TBC1D8B: variants seen among roughly 807,000 people sequenced by gnomAD.
The protein encoded by TBC1D8B is RP11-321G1.1.
Under a neutral mutation model 82.9 loss-of-function variants are expected in TBC1D8B, and 75 were observed. That is an observed-to-expected ratio of 0.90 (90% CI 0.75 to 1.10). TBC1D8B has a LOEUF of 1.10. Ranked by LOEUF, TBC1D8B falls within the 50% of genes least tolerant of loss-of-function variation. The pLI is 0.00. For missense variants in TBC1D8B, 794 were observed against 796.9 expected (o/e 1.00, Z 0.04); for synonymous variants, 276 against 276.8 (o/e 1.00, Z 0.03).
At chrX:106,841,419 C>T (rs941200018) in intron 10 of TBC1D8B, among the ~76,000 whole-genome samples, 7 of 111,080 alleles carry the variant, frequency 6.3e-5, no homozygotes, top group African/African-American at 2.3e-4. Flanking sequence ...TGTAACCGAA[C>T]ATAGGTAGAG....
In TBC1D8B at chrX:106,849,220, ATT is replaced by A. The variant is rs761948032; in HGVS notation, c.1838-784_1838-783del. 77,948 of 779,321 alleles carry A rather than the reference ATT, an allele frequency of 0.1. 299 individuals are homozygous for A. The highest frequency in any genetic ancestry group is 0.2 in the African/African-American group (6,915 of 33,980). The allele number at this position is 779,321 out of a possible 1,213,427, so 64.2% of individuals were successfully genotyped here. On this transcript the variant is annotated intron_variant, in intron 11 of 20. Coordinates refer to ENST00000357242, the MANE Select transcript of TBC1D8B (RefSeq NM_017752.3). ...TGTCTTTCATTATAATTATTTGTGT[ATT>A]TTTTTTTTTTTTTTTTTTTTAGGTT...
chrX:106,855,626 G>A (rs948212842), intron 14 of TBC1D8B, among the ~76,000 whole-genome samples: 2 of 111,954 alleles, frequency 1.8e-5, no homozygotes, highest in South Asian at 3.7e-4. Flanking sequence ...TTTATTCACT[G>A]CTGATGTACA....
At chrX:106,843,997 T>G (rs1306615606) in intron 10 of TBC1D8B, among the ~76,000 whole-genome samples, 1 of 111,737 alleles carries the variant, frequency 8.9e-6, no homozygotes, top group Non-Finnish European at 1.9e-5. Context: ...ATTGTTTTCT[T>G]GATTTCATGT....
intron 14 of TBC1D8B, among the ~76,000 whole-genome samples, chrX:106,862,776 G>GTTTGT (rs1932785437): frequency 2.7e-5 from 1 of 37,298 alleles, no homozygotes; most frequent in Non-Finnish European, 4.4e-5. Context: ...GTTTTTTTTT[G>GTTTGT]TTTTTTTTTT....
Position 106,828,044 on chromosome X carries a change from C to T in TBC1D8B, c.1203+707C>T, listed in dbSNP as rs188942113. On this transcript the variant is annotated intron_variant, in intron 7 of 20. Transcript: ENST00000357242. The stretch of plus-strand genomic sequence containing the variant: ...ATCAACAAAATTGATAGACCACTAG[C>T]AAGACTAATAAAGAAAAAAAGAGAG... 32 of 110,816 alleles carry T rather than the reference C, an allele frequency of 2.9e-4. No homozygotes were observed. In the Admixed American group the frequency reaches 3.0e-3, roughly 10 times the overall value. The allele number at this position is 110,816 out of a possible 1,213,427, so 9.1% of individuals were successfully genotyped here. A position where few individuals can be genotyped will look rare whatever the true frequency, so the allele number is the denominator to read the frequency against.
At position 106,871,949 on chromosome X, in the gene TBC1D8B, C is replaced by T. The variant is rs1002980452; in HGVS notation, c.2967+1136C>T. ...CCACGTGGAGTTGGGGTGCACCACC[C>T]TCCCGGCATGAGGATGAGTTCTTCT... On this transcript the variant is annotated intron_variant, in intron 20 of 20. Coordinates refer to ENST00000357242, the MANE Select transcript of TBC1D8B (RefSeq NM_017752.3). Among the ~76,000 whole-genome samples the T allele has an allele frequency of 2.7e-5, 3 of 111,318 alleles. No individual in the cohort carries two copies. In the East Asian group the frequency reaches 8.5e-4, roughly 31 times the overall value.
At chrX:106,827,581 T>A in intron 7 of TBC1D8B, 1 of 302,726 alleles carries the variant, frequency 3.3e-6, no homozygotes, top group East Asian at 5.9e-5. Flanking sequence ...TCTTTTACTC[T>A]ATTTGCTGTT....
chrX:106,851,122 G>T (rs1932576749), intron 12 of TBC1D8B, among the ~76,000 whole-genome samples: 1 of 112,184 alleles, frequency 8.9e-6, no homozygotes. Flanking sequence ...GGGTGCGGTG[G>T]CTCATGCCTG....
chrX:106,865,471 C>T, intron 14 of TBC1D8B, 88 bp from the exon 15 acceptor site: 1 of 610,825 alleles, frequency 1.6e-6, no homozygotes, highest in Non-Finnish European at 2.5e-6. Flanking sequence ...TTTCTTCTAG[C>T]AGAGAGAGAC....
chrX:106,865,123 G>T (rs1194962382), intron 14 of TBC1D8B, among the ~76,000 whole-genome samples: 1 of 111,122 alleles, frequency 9.0e-6, no homozygotes, highest in Non-Finnish European at 1.9e-5. Flanking sequence ...TTACTTCTTG[G>T]ATTATGTTTT....
At chrX:106,816,307 A>G (rs1931540113) in intron 1 of TBC1D8B, among the ~76,000 whole-genome samples, 1 of 111,666 alleles carries the variant, frequency 9.0e-6, no homozygotes, top group Admixed American at 9.5e-5. Context: ...CCCATTCACA[A>G]TTGCTTCAAA....
At chrX:106,851,112 G>A (rs1025727683) in intron 12 of TBC1D8B, among the ~76,000 whole-genome samples, 4 of 112,006 alleles carry the variant, frequency 3.6e-5, no homozygotes, top group South Asian at 3.8e-4. Context: ...CTTCTTGACC[G>A]GGTGCGGTGG....
At chrX:106,860,101 T>C (rs1412898688) in intron 14 of TBC1D8B, among the ~76,000 whole-genome samples, 4 of 111,735 alleles carry the variant, frequency 3.6e-5, no homozygotes. Context: ...GCTAGTAGTT[T>C]GTTGAGGATT....
intron 20 of TBC1D8B, among the ~76,000 whole-genome samples, chrX:106,871,282 A>G (rs985271137): frequency 9.0e-6 from 1 of 110,968 alleles, no homozygotes; most frequent in African/African-American, 3.3e-5. Flanking sequence ...TTTGTAATTA[A>G]AATCTGGTTA....
chrX:106,806,719 G>C (rs1931199248), intron 1 of TBC1D8B, among the ~76,000 whole-genome samples: 1 of 111,503 alleles, frequency 9.0e-6, no homozygotes, highest in Admixed American at 9.5e-5. Flanking sequence ...TTTTTGTGTG[G>C]TGTAGAACAA....
At chrX:106,860,230 A>G (rs1932760743) in intron 14 of TBC1D8B, among the ~76,000 whole-genome samples, 1 of 110,230 alleles carries the variant, frequency 9.1e-6, no homozygotes, top group Non-Finnish European at 1.9e-5. Context: ...AGGAGGAGTC[A>G]TTTCTCCTCA....
At chrX:106,817,652 A>T (rs1321300457) in intron 1 of TBC1D8B, among the ~76,000 whole-genome samples, 1 of 111,401 alleles carries the variant, frequency 9.0e-6, no homozygotes, top group Non-Finnish European at 1.9e-5. Context: ...AAAAATCTGA[A>T]ATCTGAAACA....
At chrX:106,808,208 T>C (rs771092904) in intron 1 of TBC1D8B, among the ~76,000 whole-genome samples, 1 of 111,882 alleles carries the variant, frequency 8.9e-6, no homozygotes, top group South Asian at 3.7e-4. Context: ...TTTATGTCTC[T>C]ATTCAGCTAT....
At chrX:106,843,898 G>A (rs1395787474) in intron 10 of TBC1D8B, among the ~76,000 whole-genome samples, 1 of 111,387 alleles carries the variant, frequency 9.0e-6, no homozygotes, top group East Asian at 2.8e-4. Flanking sequence ...ATCCAAAGAT[G>A]TTTTATAGTT....
Sources: allele counts gnomAD v4.1 joint callset (sites outside exome capture counted in the v4.1 genomes callset), GRCh38; gene constraint gnomAD v4.1.1; transcripts MANE v1.5; gene names NCBI Gene and HGNC (gene_info 2026-07-23, HGNC 2026-07-21).